The following PLXNA4 variants were observed in gnomAD, a reference collection of about 807,000 sequenced individuals.
The protein encoded by PLXNA4 is plexin A4, also known as plexin-A4.
In PLXNA4, 44 loss-of-function variants were observed where a neutral mutation model predicts 191.8. That is an observed-to-expected ratio of 0.23 (90% CI 0.18 to 0.29). The LOEUF (loss-of-function observed/expected upper bound fraction) is 0.29, where lower values mean the gene tolerates loss of function less well. Among genes scored for constraint, PLXNA4 ranks in the 10% least tolerant of loss-of-function variants. The pLI is 1.00. For synonymous variants in PLXNA4, 1,082 were observed against 1,009.5 expected (o/e 1.07, Z -1.36); for missense variants, 1,800 against 2,488.8 (o/e 0.72, Z 5.89).
chr7:132,430,913 G>T (rs1011038536), intron 3 of PLXNA4, among the ~76,000 whole-genome samples: 1 of 152,214 alleles, frequency 6.6e-6, no homozygotes, highest in Non-Finnish European at 1.5e-5. Context: ...CCACACCGCT[G>T]GGTGAAGCGG....
At chr7:132,156,711 T>C (rs1322327484) in intron 25 of PLXNA4, among the ~76,000 whole-genome samples, 1 of 152,202 alleles carries the variant, frequency 6.6e-6, no homozygotes, top group African/African-American at 2.4e-5. Context: ...ACCTTACATT[T>C]GTAAATTGCT....
intron 9 of PLXNA4, among the ~76,000 whole-genome samples, chr7:132,214,944 G>A (rs532292553): frequency 7.9e-5 from 12 of 152,206 alleles, no homozygotes; most frequent in African/African-American, 2.6e-4. Flanking sequence ...TCTGGTCCGG[G>A]GTGAGTGGAC....
chr7:132,372,147 G>A (rs536875463), intron 3 of PLXNA4, among the ~76,000 whole-genome samples: 5 of 152,276 alleles, frequency 3.3e-5, no homozygotes, highest in East Asian at 1.9e-4. Context: ...TTTACATCAC[G>A]TGACCTGTCA....
chr7:132,143,662 T>C (rs911056422), intron 29 of PLXNA4, among the ~76,000 whole-genome samples: 1 of 152,110 alleles, frequency 6.6e-6, no homozygotes, highest in African/African-American at 2.4e-5. Context: ...CAGCTCCCAG[T>C]AGTCACGCCA....
chr7:132,345,540 A>G (rs1803212255), intron 3 of PLXNA4, among the ~76,000 whole-genome samples: 1 of 152,214 alleles, frequency 6.6e-6, no homozygotes, highest in Admixed American at 6.5e-5. Flanking sequence ...AGGAAATGTT[A>G]TAATCCATGG....
chr7:132,537,774 G>A (rs765309501), intron 1 of PLXNA4, among the ~76,000 whole-genome samples: 2 of 152,188 alleles, frequency 1.3e-5, no homozygotes, highest in Admixed American at 6.5e-5. Flanking sequence ...TGGTAAGAAT[G>A]GGAGCTGGGA....
chr7:132,625,044 A>G (rs1207624955), intron 2 of PLXNA4, among the ~76,000 whole-genome samples: 1 of 152,202 alleles, frequency 6.6e-6, no homozygotes, highest in African/African-American at 2.4e-5. Flanking sequence ...GAGCCCCCCA[A>G]AATAAAGCTA....
At chr7:132,426,834 G>C (rs533513873) in intron 3 of PLXNA4, among the ~76,000 whole-genome samples, 6 of 152,104 alleles carry the variant, frequency 3.9e-5, no homozygotes, top group African/African-American at 1.2e-4. Flanking sequence ...TTCACATGTC[G>C]TCTCATTAAA....
chr7:132,401,400 G>A (rs1793979236), intron 3 of PLXNA4, among the ~76,000 whole-genome samples: 1 of 152,188 alleles, frequency 6.6e-6, no homozygotes, highest in South Asian at 2.1e-4. Flanking sequence ...AGCTCCCTAG[G>A]TGGTTCTAAT....
rs1797507137 is a variant in PLXNA4 at position 132,203,373 on chromosome 7, G to A, written c.2345C>T (p.Thr782Ile). ...GTTGAAGTGCCCATTCCACACGACT[G>A]TCAACTCCACGGGCAGGTTGTTGAT... ...MEINNLPVELTVVWNGHFNID... is the reference protein window; with the variant it reads ...MEINNLPVELIVVWNGHFNID... Residue 782 changes from threonine (T) to isoleucine (I), a missense_variant, in exon 11 of 32, where the codon ACA (threonine) becomes ATA (isoleucine). By Grantham distance (89) the Thr-to-Ile change is moderately conservative (BLOSUM62 -1). This residue lies in a region of PLXNA4 where 1,397 missense variants were observed against 1,880.4 expected (regional missense o/e 0.74). Coordinates refer to ENST00000321063, the MANE Select transcript of PLXNA4 (RefSeq NM_020911.2). 1.2e-6 allele frequency: 2 copies of A among 1,614,118 alleles called. No homozygotes were observed. Among genetic ancestry groups the A allele is most frequent in the South Asian group, 1.1e-5 (1 of 91,080 alleles).
In PLXNA4 at chr7:132,132,498, T is replaced by C. The variant is rs868344612; in HGVS notation, c.5589+551A>G. On this transcript the variant is annotated intron_variant, in intron 31 of 31. Transcript: ENST00000321063. ...CTCTGCTCTGCTCTGCTCTATTCTT[T>C]TCTATTCTATTCTATTCTATTCTAT... Among the ~76,000 whole-genome samples, 329 of 39,586 alleles carry C rather than the reference T, an allele frequency of 8.3e-3. 9 individuals carry two copies. Among genetic ancestry groups the C allele is most frequent in the African/African-American group, 0.03 (258 of 8,554 alleles). The allele number at this position is 39,586 out of a possible 152,430, so 26.0% of individuals were successfully genotyped here. A position where few individuals can be genotyped will look rare whatever the true frequency, so the allele number is the denominator to read the frequency against.
upstream of PLXNA4, among the ~76,000 whole-genome samples, chr7:132,577,680 G>GCATA (rs1208261749): frequency 2.0e-5 from 3 of 152,098 alleles, no homozygotes; most frequent in Non-Finnish European, 4.4e-5. Context: ...GGAGAGAGGG[G>GCATA]CATACATGGG....
chr7:132,636,891 T>C (rs1285353329), intron 2 of PLXNA4, among the ~76,000 whole-genome samples: 1 of 152,126 alleles, frequency 6.6e-6, no homozygotes, highest in Admixed American at 6.5e-5. Context: ...AGACCACAGC[T>C]AGCTGCATGC....
intron 10 of PLXNA4, among the ~76,000 whole-genome samples, chr7:132,210,144 A>C (rs1393287188): frequency 6.6e-6 from 1 of 152,208 alleles, no homozygotes; most frequent in African/African-American, 2.4e-5. Context: ...TGACTTGAAA[A>C]TGTTCTGAAT....
intron 3 of PLXNA4, among the ~76,000 whole-genome samples, chr7:132,449,325 A>T (rs1377372872): frequency 2.0e-5 from 3 of 152,190 alleles, no homozygotes; most frequent in Non-Finnish European, 4.4e-5. Flanking sequence ...ACTACATTCA[A>T]CTGTGCACCT....
chr7:132,348,963 G>A (rs1002035781), intron 3 of PLXNA4, among the ~76,000 whole-genome samples: 1 of 152,078 alleles, frequency 6.6e-6, no homozygotes, highest in Non-Finnish European at 1.5e-5. Flanking sequence ...TCCTAATGGG[G>A]GCAGCGTCCC....
chr7:132,235,970 G>A (rs1798687066), intron 5 of PLXNA4, among the ~76,000 whole-genome samples: 1 of 152,212 alleles, frequency 6.6e-6, no homozygotes, highest in Admixed American at 6.5e-5. Context: ...ACTTAGCATT[G>A]CTGAAGCTGT....
At position 132,454,226 on chromosome 7, in the gene PLXNA4, C is replaced by T. The variant is rs529027261; in HGVS notation, c.1371+35066G>A. Among the ~76,000 whole-genome samples, 496 of 152,292 alleles carry T rather than the reference C, an allele frequency of 3.3e-3. 3 individuals carry two copies. The highest frequency in any genetic ancestry group is 0.011 in the African/African-American group (459 of 41,562). On this transcript the variant is annotated intron_variant, in intron 3 of 31. Transcript: ENST00000321063. ...CATCCAATCTTCACAACAGCCCCAT[C>T]GTATAGACAAAACATGTTCAGAGGG...
intron 4 of PLXNA4, among the ~76,000 whole-genome samples, chr7:132,295,604 C>T (rs746482898): frequency 2.2e-4 from 33 of 152,116 alleles, no homozygotes; most frequent in Non-Finnish European, 4.0e-4. Flanking sequence ...AGCTCTATTC[C>T]GCATGCCCAA....
Sources: allele counts gnomAD v4.1 joint callset (sites outside exome capture counted in the v4.1 genomes callset), GRCh38; gene constraint gnomAD v4.1.1; regional missense constraint gnomAD v4.1.1; transcripts MANE v1.5; gene names NCBI Gene and HGNC (gene_info 2026-07-23, HGNC 2026-07-21).